TMEM132D: variants seen among roughly 807,000 people sequenced by gnomAD.
TMEM132D encodes the protein transmembrane protein 132D, also known as mature OL transmembrane protein.
A neutral mutation model predicts 62.3 loss-of-function variants in TMEM132D; 21 were observed. The observed-to-expected ratio is 0.34, with a 90% confidence interval of 0.24 to 0.49. The LOEUF (loss-of-function observed/expected upper bound fraction) is 0.49, where lower values mean the gene tolerates loss of function less well. Ranked by LOEUF, TMEM132D falls within the 20% of genes least tolerant of loss-of-function variation. The pLI is 0.99. For synonymous variants in TMEM132D, 621 were observed against 575.6 expected, an observed-to-expected ratio of 1.08 and a Z score of -1.13; for missense variants, 1,346 against 1,402.8, an observed-to-expected ratio of 0.96 and a Z score of 0.65.
chr12:129,417,093 C>G (rs1872145698), intron 3 of TMEM132D, among the ~76,000 whole-genome samples: 1 of 152,068 alleles, frequency 6.6e-6, no homozygotes, highest in African/African-American at 2.4e-5. Context: ...CCCTCTTTTT[C>G]TATTGTTTGG....
intron 3 of TMEM132D, among the ~76,000 whole-genome samples, chr12:129,463,625 TCCCCCCACC>T (rs1320534836): frequency 6.9e-6 from 1 of 144,442 alleles, no homozygotes; most frequent in African/African-American, 2.6e-5. Context: ...CCCTCCCCGC[TCCCCCCACC>T]CCACAACAGG....
rs113489322 is a variant in TMEM132D at position 129,145,285 on chromosome 12, T to C, written c.1444-60583A>G. The stretch of plus-strand genomic sequence containing the variant: ...CTGATTAATAACCTACCAAGCTTGT[T>C]TCACAACTTACTACTGGATTGTTAC... On this transcript the variant is annotated intron_variant, in intron 5 of 8. Transcript: ENST00000422113. 5.2e-3 allele frequency among the ~76,000 whole-genome samples: 797 copies of C among 152,284 alleles called. 7 individuals carry two copies. Among genetic ancestry groups the C allele is most frequent in the African/African-American group, 0.017 (725 of 41,554 alleles).
chr12:129,284,206 T>A (rs1049470126), intron 4 of TMEM132D, among the ~76,000 whole-genome samples: 10 of 152,230 alleles, frequency 6.6e-5, no homozygotes, highest in African/African-American at 2.4e-4. Flanking sequence ...CAGCCTTGGC[T>A]CAGCTCACAG....
At chr12:129,397,249 ATTC>A (rs1871457163) in intron 3 of TMEM132D, among the ~76,000 whole-genome samples, 2 of 152,172 alleles carry the variant, frequency 1.3e-5, no homozygotes, top group Non-Finnish European at 2.9e-5. Context: ...TCTTTTGTAA[ATTC>A]TTCTTTGCCC....
At chr12:129,213,280 C>T (rs988540768) in intron 4 of TMEM132D, among the ~76,000 whole-genome samples, 2 of 152,134 alleles carry the variant, frequency 1.3e-5, no homozygotes, top group African/African-American at 4.8e-5. Context: ...ATCACTTGAA[C>T]CCAGGAGTTC....
chr12:129,493,779 G>C (rs1874867787), intron 3 of TMEM132D, among the ~76,000 whole-genome samples: 1 of 152,194 alleles, frequency 6.6e-6, no homozygotes, highest in Non-Finnish European at 1.5e-5. Flanking sequence ...GGGAAGCCAA[G>C]CAGGCAGGCT....
At chr12:129,353,117 C>T (rs566152443) in intron 3 of TMEM132D, among the ~76,000 whole-genome samples, 29 of 150,050 alleles carry the variant, frequency 1.9e-4, no homozygotes, top group Middle Eastern at 6.8e-3. Flanking sequence ...CTGCCTCCCT[C>T]CCTCCCTTCC....
intron 3 of TMEM132D, among the ~76,000 whole-genome samples, chr12:129,349,230 T>G (rs996980316): frequency 6.6e-6 from 1 of 152,192 alleles, no homozygotes; most frequent in Non-Finnish European, 1.5e-5. Context: ...GCTCCGGATA[T>G]AACACTTGAA....
intron 5 of TMEM132D, among the ~76,000 whole-genome samples, chr12:129,136,939 A>G (rs1216384740): frequency 2.0e-5 from 3 of 148,914 alleles, no homozygotes; most frequent in African/African-American, 7.4e-5. Flanking sequence ...CATCATCATC[A>G]TCGCCACCAT....
intron 3 of TMEM132D, among the ~76,000 whole-genome samples, chr12:129,482,542 T>C (rs1212675363): frequency 6.6e-6 from 1 of 152,092 alleles, no homozygotes; most frequent in Non-Finnish European, 1.5e-5. Context: ...ATTAGGAAGG[T>C]GGGATGAGGT....
intron 1 of TMEM132D, among the ~76,000 whole-genome samples, chr12:129,767,716 C>T (rs1032205356): frequency 3.3e-5 from 5 of 152,266 alleles, no homozygotes; most frequent in African/African-American, 1.2e-4. Context: ...GTGGACATGC[C>T]ACACTTTATC....
chr12:129,790,015 G>A (rs571340885), intron 1 of TMEM132D, among the ~76,000 whole-genome samples: 16 of 152,232 alleles, frequency 1.1e-4, no homozygotes, highest in Admixed American at 6.5e-5. Context: ...GAACTGGAGT[G>A]CGCAGGTGCT....
At chr12:129,808,876 A>G (rs1231719152) in intron 1 of TMEM132D, among the ~76,000 whole-genome samples, 1 of 152,236 alleles carries the variant, frequency 6.6e-6, no homozygotes, top group African/African-American at 2.4e-5. Flanking sequence ...GTGTCCAAAA[A>G]CATTTAGAAA....
intron 5 of TMEM132D, among the ~76,000 whole-genome samples, chr12:129,086,676 A>G (rs1345670824): frequency 1.5e-5 from 2 of 137,696 alleles, no homozygotes; most frequent in East Asian, 4.2e-4. Flanking sequence ...TATAATATAT[A>G]ATACAAATTT....
intron 1 of TMEM132D, among the ~76,000 whole-genome samples, chr12:129,764,352 A>G (rs2137277620): frequency 6.6e-6 from 1 of 152,302 alleles, no homozygotes; most frequent in East Asian, 1.9e-4. Context: ...CTCAAATGAC[A>G]ATATTATAGT....
chr12:129,405,756 C>T (rs1871765077), intron 3 of TMEM132D, among the ~76,000 whole-genome samples: 1 of 152,154 alleles, frequency 6.6e-6, no homozygotes, highest in Non-Finnish European at 1.5e-5. Context: ...TGGAGGATTT[C>T]ATAAGGAAGA....
intron 1 of TMEM132D, among the ~76,000 whole-genome samples, chr12:129,881,023 A>G (rs1448556783): frequency 6.6e-6 from 1 of 152,124 alleles, no homozygotes; most frequent in Non-Finnish European, 1.5e-5. Context: ...AAATAAAAGG[A>G]TAGGGAAAAT....
chr12:129,570,728 G>C (rs1169880687), intron 2 of TMEM132D, among the ~76,000 whole-genome samples: 2 of 152,242 alleles, frequency 1.3e-5, no homozygotes, highest in African/African-American at 2.4e-5. Flanking sequence ...CATCTCTGCT[G>C]TTATTGGTGG....
At chr12:129,750,117 G>A (rs142844532) in intron 1 of TMEM132D, among the ~76,000 whole-genome samples, 184 of 151,960 alleles carry the variant, frequency 1.2e-3, no homozygotes, top group African/African-American at 4.2e-3. Flanking sequence ...ATGGAGTCTC[G>A]CTTTGTCACC....
Sources: gnomAD v4.1 joint callset for allele counts (sites outside exome capture counted in the v4.1 genomes callset) on GRCh38, gnomAD v4.1.1 for gene constraint, MANE v1.5 for transcripts, NCBI Gene and HGNC (gene_info 2026-07-23, HGNC 2026-07-21) for gene names.